ROBO1: variants seen among roughly 807,000 people sequenced by gnomAD.
The protein encoded by ROBO1 is roundabout guidance receptor 1, also known as roundabout homolog 1.
ROBO1 carries 149 observed loss-of-function variants against 195.9 expected under a neutral mutation model. The ratio of observed to expected loss-of-function variants is 0.76; its 90% confidence interval spans 0.67 to 0.87. The LOEUF is 0.87. Ranked by LOEUF, ROBO1 falls within the 40% of genes least tolerant of loss-of-function variation. The pLI, the probability that ROBO1 is intolerant of heterozygous loss-of-function variation, is 0.00. For synonymous variants in ROBO1, 816 were observed against 733.2 expected, an observed-to-expected ratio of 1.11 and a Z score of -1.82; for missense variants, 1,933 against 2,068.3, an observed-to-expected ratio of 0.93 and a Z score of 1.27.
chr3:78,989,166 G>A (rs1422614325), intron 3 of ROBO1, among the ~76,000 whole-genome samples: 1 of 152,142 alleles, frequency 6.6e-6, no homozygotes, highest in Non-Finnish European at 1.5e-5. Context: ...CAAATAGCTA[G>A]AAGGAGGATA....
At chr3:79,115,762 T>C (rs576157491) in intron 3 of ROBO1, among the ~76,000 whole-genome samples, 5 of 152,144 alleles carry the variant, frequency 3.3e-5, no homozygotes, top group Non-Finnish European at 4.4e-5. Context: ...TTAGTTGGGG[T>C]AGACGTTCTA....
intron 2 of ROBO1, among the ~76,000 whole-genome samples, chr3:79,196,279 T>C (rs961481841): frequency 2.7e-5 from 4 of 150,060 alleles, no homozygotes; most frequent in Admixed American, 6.7e-5. Context: ...AGTTTCTTTT[T>C]TTTTTTTTTT....
At chr3:79,607,586 A>T (rs1417445253) in intron 1 of ROBO1, among the ~76,000 whole-genome samples, 3 of 128,122 alleles carry the variant, frequency 2.3e-5, no homozygotes, top group African/African-American at 8.9e-5. Context: ...CAAAAACTAC[A>T]AATTTGTATT....
In ROBO1 at chr3:79,597,151, A is replaced by G. The variant is rs547865220; in HGVS notation, c.-50-7190T>C. Among the ~76,000 whole-genome samples the G allele has an allele frequency of 1.3e-5, 2 of 148,538 alleles. 1 individual carries two copies. Among genetic ancestry groups the G allele is most frequent in the African/African-American group, 5.0e-5 (2 of 39,712 alleles). The stretch of plus-strand genomic sequence containing the variant: ...CACGTGTGTGTGTGTGTGTGTGTGT[A>G]TTATGACTGACTAATCTACACCTAC... On this transcript the variant is annotated intron_variant, in intron 1 of 30. Coordinates refer to ENST00000464233, the MANE Select transcript of ROBO1 (RefSeq NM_002941.4).
At chr3:78,920,495 C>T (rs975770189) in intron 4 of ROBO1, among the ~76,000 whole-genome samples, 5 of 151,736 alleles carry the variant, frequency 3.3e-5, no homozygotes, top group East Asian at 3.9e-4. Context: ...TTAGTAGAGA[C>T]GGGATTTCAC....
chr3:78,836,096 C>T (rs1247359649), intron 4 of ROBO1, among the ~76,000 whole-genome samples: 3 of 152,102 alleles, frequency 2.0e-5, no homozygotes, highest in Non-Finnish European at 4.4e-5. Flanking sequence ...CAGAATATGC[C>T]TAATGGTAAA....
intron 3 of ROBO1, among the ~76,000 whole-genome samples, chr3:79,022,762 T>C (rs970714336): frequency 6.6e-6 from 1 of 152,166 alleles, no homozygotes; most frequent in African/African-American, 2.4e-5. Flanking sequence ...ACTTAGAGAA[T>C]TCTCATCTCA....
intron 4 of ROBO1, among the ~76,000 whole-genome samples, chr3:78,753,797 G>A (rs954391111): frequency 1.3e-5 from 2 of 152,016 alleles, no homozygotes; most frequent in African/African-American, 4.8e-5. Flanking sequence ...TTGAAAGTCT[G>A]GTAGATCATT....
At chr3:79,106,035 A>G (rs1161103133) in intron 3 of ROBO1, among the ~76,000 whole-genome samples, 2 of 151,760 alleles carry the variant, frequency 1.3e-5, no homozygotes, top group Non-Finnish European at 3.0e-5. Flanking sequence ...GGAAAATCTA[A>G]CAAATTTAGT....
chr3:78,688,788 C>T lies in ROBO1; in HGVS notation c.1046-16G>A. On this transcript the variant is annotated splice_polypyrimidine_tract_variant and intron_variant, in intron 8 of 30. Coordinates refer to ENST00000464233, the MANE Select transcript of ROBO1 (RefSeq NM_002941.4). The stretch of plus-strand genomic sequence containing the variant: ...TGTGGAGGTTCTGAAGGAGGTGAAA[C>T]AAATTACACCGAATTAAAAGCACGT... The T allele has an allele frequency of 6.3e-7, 1 of 1,599,496 alleles. No homozygotes were observed. Among genetic ancestry groups the T allele is most frequent in the Non-Finnish European group, 8.5e-7 (1 of 1,173,146 alleles).
chr3:78,853,784 G>C (rs960363253), intron 4 of ROBO1, among the ~76,000 whole-genome samples: 2 of 152,052 alleles, frequency 1.3e-5, no homozygotes, highest in African/African-American at 4.8e-5. Flanking sequence ...CACGTGACTG[G>C]AGAGGCCTCA....
intron 1 of ROBO1, among the ~76,000 whole-genome samples, chr3:79,745,309 G>A (rs1257664498): frequency 2.0e-5 from 3 of 152,092 alleles, no homozygotes; most frequent in Non-Finnish European, 4.4e-5. Context: ...AAACACAAAG[G>A]AAATAATCGT....
At chr3:78,711,112 C>T (rs924179231) in intron 8 of ROBO1, among the ~76,000 whole-genome samples, 32 of 152,238 alleles carry the variant, frequency 2.1e-4, no homozygotes, top group Middle Eastern at 3.4e-3. Flanking sequence ...AAAACAATTA[C>T]TGTGCTCTTT....
At chr3:79,649,220 C>T (rs538546856) in intron 1 of ROBO1, among the ~76,000 whole-genome samples, 1 of 151,584 alleles carries the variant, frequency 6.6e-6, no homozygotes, top group Non-Finnish European at 1.5e-5. Flanking sequence ...TTTTAGCGGG[C>T]AAGAAATAAA....
chr3:79,548,181 G>A (rs893632418), intron 2 of ROBO1, among the ~76,000 whole-genome samples: 33 of 152,288 alleles, frequency 2.2e-4, no homozygotes, highest in African/African-American at 7.9e-4. Flanking sequence ...CACCCAAGGA[G>A]ACATTTCCTA....
chr3:79,410,159 T>C (rs2037708480), intron 2 of ROBO1, among the ~76,000 whole-genome samples: 1 of 152,206 alleles, frequency 6.6e-6, no homozygotes, highest in African/African-American at 2.4e-5. Flanking sequence ...TTTAACTTTT[T>C]AGCATATCAG....
intron 1 of ROBO1, among the ~76,000 whole-genome samples, chr3:79,614,723 C>T (rs1480384633): frequency 6.6e-6 from 1 of 151,928 alleles, no homozygotes; most frequent in Admixed American, 6.6e-5. Context: ...TACATATTTG[C>T]CAGTTCCATT....
chr3:79,655,915 GT>G (rs1470359859), intron 1 of ROBO1, among the ~76,000 whole-genome samples: 1 of 151,990 alleles, frequency 6.6e-6, no homozygotes, highest in Non-Finnish European at 1.5e-5. Flanking sequence ...GTGAATTAGA[GT>G]TTTTTTATGG....
rs148609240 is a variant in ROBO1 at position 79,532,518 on chromosome 3, A to T, written c.88+57306T>A. ...TAAATAGGTCAGGCGTGGATGTGCTATTGAATATAAAATAGTCAATCTGAA... is the reference window on the plus strand; with the variant it reads ...TAAATAGGTCAGGCGTGGATGTGCTTTTGAATATAAAATAGTCAATCTGAA... On this transcript the variant is annotated intron_variant, in intron 2 of 30. Transcript: ENST00000464233. Among the ~76,000 whole-genome samples, 3 of 152,342 alleles carry T rather than the reference A, an allele frequency of 2.0e-5. No homozygotes were observed. The East Asian group carries it at 5.8e-4, about 29-fold the overall frequency.
Sources: allele counts gnomAD v4.1 joint callset (sites outside exome capture counted in the v4.1 genomes callset), GRCh38; gene constraint gnomAD v4.1.1; transcripts MANE v1.5; gene names NCBI Gene and HGNC (gene_info 2026-07-23, HGNC 2026-07-21).